Variants in CACNA1E observed in about 807,000 individuals in gnomAD.
CACNA1E encodes the protein calcium voltage-gated channel subunit alpha1 E, also known as voltage-dependent R-type calcium channel subunit alpha-1E.
A neutral mutation model predicts 259.2 loss-of-function variants in CACNA1E; 40 were observed. That is an observed-to-expected ratio of 0.15 (90% CI 0.12 to 0.20). The LOEUF is 0.20. Among genes scored for constraint, CACNA1E ranks in the 10% least tolerant of loss-of-function variants. CACNA1E has a pLI of 1.00. For synonymous variants in CACNA1E, 1,104 were observed against 1,138.5 expected (o/e 0.97, Z 0.61); for missense variants, 1,874 against 3,040.1 (o/e 0.62, Z 9.02).
intron 1 of CACNA1E, among the ~76,000 whole-genome samples, chr1:181,489,963 T>C (rs775649213): frequency 6.6e-6 from 1 of 152,210 alleles, no homozygotes; most frequent in Admixed American, 6.5e-5. Flanking sequence ...ACGTGTGGGT[T>C]CACCCATCAG....
intron 3 of CACNA1E, among the ~76,000 whole-genome samples, chr1:181,562,836 A>G (rs947264015): frequency 1.3e-5 from 2 of 152,194 alleles, no homozygotes; most frequent in East Asian, 1.9e-4. Flanking sequence ...CTAACAACTC[A>G]GCATTTTATG....
chr1:181,439,953 C>G lies in CACNA1E; in HGVS notation c.434+26373C>G, dbSNP rs115406389. On this transcript the variant is annotated intron_variant, in intron 2 of 11. Transcript: ENST00000524607. ...TTTCCACCAAGATGGCCAGAAGGCT[C>G]TAGATCAAGTGGTAAACAGAGCGTG... Among the ~76,000 whole-genome samples, 722 of 152,258 alleles carry G rather than the reference C, an allele frequency of 4.7e-3. 3 individuals are homozygous for G. Among genetic ancestry groups the G allele is most frequent in the African/African-American group, 0.015 (627 of 41,538 alleles).
At chr1:181,402,957 A>G (rs571844375) in intron 1 of CACNA1E, among the ~76,000 whole-genome samples, 3 of 152,332 alleles carry the variant, frequency 2.0e-5, no homozygotes, top group East Asian at 3.9e-4. Context: ...TTAATGGGAA[A>G]GATAAAAGTA....
At chr1:181,751,806 G>A (rs1657621231) in intron 26 of CACNA1E, among the ~76,000 whole-genome samples, 1 of 152,182 alleles carries the variant, frequency 6.6e-6, no homozygotes, top group Non-Finnish European at 1.5e-5. Flanking sequence ...GTAATCAGCA[G>A]CATTAGACTG....
chr1:181,743,004 C>T (rs141170442), intron 25 of CACNA1E, among the ~76,000 whole-genome samples: 1 of 152,076 alleles, frequency 6.6e-6, no homozygotes, highest in Admixed American at 6.6e-5. Flanking sequence ...TGGAAAGATA[C>T]CCACATTGCA....
At chr1:181,370,812 C>T (rs931201102) in intron 1 of CACNA1E, among the ~76,000 whole-genome samples, 1 of 152,134 alleles carries the variant, frequency 6.6e-6, no homozygotes, top group African/African-American at 2.4e-5. Flanking sequence ...ATTGCTGTGT[C>T]AAATAATTCT....
chr1:181,332,279 C>A (rs536106789), intron 1 of CACNA1E, among the ~76,000 whole-genome samples: 1 of 152,140 alleles, frequency 6.6e-6, no homozygotes, highest in Non-Finnish European at 1.5e-5. Flanking sequence ...GGCTTAATAC[C>A]TAGGTGATGG....
intron 7 of CACNA1E, among the ~76,000 whole-genome samples, chr1:181,690,883 G>C (rs1473894145): frequency 6.6e-6 from 1 of 151,638 alleles, no homozygotes; most frequent in Non-Finnish European, 1.5e-5. Context: ...CTACATAGAC[G>C]ACTTCTTTAA....
At chr1:181,706,759 TA>T (rs964020347) in intron 7 of CACNA1E, among the ~76,000 whole-genome samples, 2 of 152,204 alleles carry the variant, frequency 1.3e-5, no homozygotes, top group Non-Finnish European at 2.9e-5. Context: ...AAACAGCACA[TA>T]ACCTGGAAGA....
At chr1:181,763,598 C>A (rs946336426) in intron 34 of CACNA1E, 67 bp downstream of exon 34, 66 of 1,283,174 alleles carry the variant, frequency 5.1e-5, no homozygotes, top group Admixed American at 2.0e-4. Flanking sequence ...GCAACACTGG[C>A]ATCATTACCC....
In CACNA1E at chr1:181,806,321, T is replaced by G. The variant is rs1662622258; in HGVS notation, c.*7487T>G. 1 of 152,116 alleles carries G rather than the reference T, an allele frequency of 6.6e-6. No homozygotes were observed. Among genetic ancestry groups the G allele is most frequent in the South Asian group, 2.1e-4 (1 of 4,820 alleles). The allele number at this position is 152,116 out of a possible 1,614,324, so 9.4% of individuals were successfully genotyped here. A position where few individuals can be genotyped will look rare whatever the true frequency, so the allele number is the denominator to read the frequency against. On this transcript the variant is annotated 3_prime_UTR_variant, in exon 48 of 48. Coordinates refer to ENST00000367573, the MANE Select transcript of CACNA1E (RefSeq NM_001205293.3). Reference sequence around the variant, plus strand: ...CGGTTCTAGCCTCAAATAACAACATTGCAAGGAGGTGGACTACAGGGTCCA... The same window carrying G: ...CGGTTCTAGCCTCAAATAACAACATGGCAAGGAGGTGGACTACAGGGTCCA...
chr1:181,783,551 G>A (rs577963581), intron 39 of CACNA1E, 128 bp from the exon 40 acceptor site: 1 of 587,516 alleles, frequency 1.7e-6, no homozygotes, highest in East Asian at 2.8e-5. Flanking sequence ...ACTGGGGCAG[G>A]GGATGGGGAT....
rs78434557 is a variant in CACNA1E at position 181,778,404 on chromosome 1, A to C, written c.5267+2176A>C. On this transcript the variant is annotated intron_variant, in intron 38 of 47. Transcript: ENST00000367573. ...GAAGAATAGGAGGAATCAACCCTCA[A>C]ATTTCAAAAAGCCTAGAAAGAGTAA... Among the ~76,000 whole-genome samples, 7 of 152,328 alleles carry C rather than the reference A, an allele frequency of 4.6e-5. No homozygotes were observed. The East Asian group carries it at 1.4e-3, about 29-fold the overall frequency.
chr1:181,481,485 TCTC>T (rs2102454276), upstream of CACNA1E, among the ~76,000 whole-genome samples: 1 of 152,286 alleles, frequency 6.6e-6, no homozygotes, highest in East Asian at 1.9e-4. Context: ...TCACCTCACT[TCTC>T]AACAGTTAAT....
At position 181,511,445 on chromosome 1, in the gene CACNA1E, C is replaced by T. The variant is rs752724962; in HGVS notation, c.447C>T (p.Ile149=). ...AGIKIVALGF[I]FHKGSYLRNG... ...TCAAAATTGTGGCCCTGGGGTTCAT[C>T]TTCCATAAGGGCTCTTACCTCCGCA... Residue 149 remains isoleucine, a synonymous_variant, in exon 3 of 48, where the codon ATC becomes ATT. Transcript: ENST00000367573. 1.2e-6 allele frequency: 2 copies of T among 1,613,998 alleles called. No homozygotes were observed. Among genetic ancestry groups the T allele is most frequent in the Admixed American group, 1.7e-5 (1 of 60,036 alleles).
chr1:181,464,969 A>G (rs374686722), intron 2 of CACNA1E, among the ~76,000 whole-genome samples: 40 of 152,090 alleles, frequency 2.6e-4, no homozygotes, highest in Non-Finnish European at 4.1e-4. Context: ...ATATCCACTA[A>G]TATCTTTTGC....
intron 2 of CACNA1E, among the ~76,000 whole-genome samples, chr1:181,446,063 T>G (rs965576423): frequency 3.3e-5 from 5 of 152,200 alleles, no homozygotes; most frequent in Non-Finnish European, 5.9e-5. Context: ...CCAGGTAAAA[T>G]AGCATCATTT....
intron 2 of CACNA1E, among the ~76,000 whole-genome samples, chr1:181,462,609 T>G (rs1313590730): frequency 6.6e-6 from 1 of 152,366 alleles, no homozygotes; most frequent in Admixed American, 6.5e-5. Flanking sequence ...GCATTTTGTA[T>G]GCTCATTCTT....
At chr1:181,575,331 C>G (rs986777842) in intron 3 of CACNA1E, among the ~76,000 whole-genome samples, 1 of 152,218 alleles carries the variant, frequency 6.6e-6, no homozygotes, top group African/African-American at 2.4e-5. Flanking sequence ...TACCTCATGG[C>G]TGGCTCTGTG....
Sources: allele counts gnomAD v4.1 joint callset (sites outside exome capture counted in the v4.1 genomes callset), GRCh38; gene constraint gnomAD v4.1.1; transcripts MANE v1.5; gene names NCBI Gene and HGNC (gene_info 2026-07-23, HGNC 2026-07-21).